The following PRSS36 variants were observed in gnomAD, a reference collection of about 807,000 sequenced individuals.
PRSS36 encodes the protein polyserase-2.
Under a neutral mutation model 94.3 loss-of-function variants are expected in PRSS36, and 90 were observed. That is an observed-to-expected ratio of 0.95 (90% confidence interval 0.80 to 1.14). The LOEUF (loss-of-function observed/expected upper bound fraction) is 1.14, where lower values mean the gene tolerates loss of function less well. PRSS36 is among the 50% of genes most tolerant of loss of function. The pLI is 0.00. For synonymous variants in PRSS36, 500 were observed against 489.6 expected, an observed-to-expected ratio of 1.02 and a Z score of -0.28; for missense variants, 1,158 against 1,135.0, an observed-to-expected ratio of 1.02 and a Z score of -0.29.
In PRSS36 at chr16:31,148,807, G is replaced by T. The variant is rs142045292; in HGVS notation, c.273-132C>A. 1.0e-3 allele frequency: 1,338 copies of T among 1,275,388 alleles called. 15 individuals carry two copies. In the African/African-American group the frequency reaches 0.018, roughly 17 times the overall value. 79.0% of individuals were successfully genotyped at this position (1,275,388 alleles called of 1,614,324 possible). On this transcript the variant is annotated intron_variant, in intron 4 of 14. Transcript: ENST00000268281. ...GATTTGGTGCTGATACTCCTCAAAG[G>T]GGAAGAGCAAATCCGATTTGGAGCT...
In PRSS36 at chr16:31,149,126, C is replaced by T; in HGVS notation, c.219G>A (p.Gly73=). 6.3e-7 allele frequency: 1 copy of T among 1,585,094 alleles called. No individual in the cohort carries two copies. Among genetic ancestry groups the T allele is most frequent in the South Asian group, 1.2e-5 (1 of 86,744 alleles). The change falls in exon 4 of 15, where the codon GGG becomes GGA. Residue 73 remains glycine (G), a synonymous_variant. Coordinates refer to ENST00000268281, the MANE Select transcript of PRSS36 (RefSeq NM_173502.5). ...CCCAGGAGGGGGCGATGAGGGAGCC[C>T]CCGCAGATGTGGCCACCTCCATGGT... ...SLHHGGGHIC[G]GSLIAPSWVL... is the part of the protein sequence containing the mutation.
chr16:31,139,035 GGGT>G lies in PRSS36; in HGVS notation c.*100_*102del. ...TAGCCAGAGCCGCTGCAATCTCGGT[GGGT>G]GGGGCCCTTGAGGTTCCAGCCGGCT... is the stretch of plus-strand genomic sequence containing the variant. On this transcript the variant is annotated 3_prime_UTR_variant, in exon 15 of 15. Transcript: ENST00000268281. 5 of 1,347,238 alleles carry G rather than the reference GGGT, an allele frequency of 3.7e-6. No homozygotes were observed. The highest frequency in any genetic ancestry group is 1.5e-5 in the South Asian group (1 of 68,760). The allele number at this position is 1,347,238 out of a possible 1,614,324, so 83.5% of individuals were successfully genotyped here.
At position 31,142,831 on chromosome 16, in the gene PRSS36, G is replaced by A; in HGVS notation, c.1263C>T (p.Asn421=). The A allele has an allele frequency of 6.5e-7, 1 of 1,550,158 alleles. No individual in the cohort carries two copies. ...LALLQLRTPV[N]LSAASRPVCL... is the part of the protein sequence containing the mutation. ...ACACGGGCCGCGAAGCCGCGCTCAG[G>A]TTCACGGGCGTGCGCAGCTGCAGCA... The change falls in exon 9 of 15, where the codon AAC becomes AAT. Residue 421 remains asparagine (N), a synonymous_variant. Transcript: ENST00000268281.
At chr16:31,148,018 T>A (rs909335605) in intron 5 of PRSS36, among the ~76,000 whole-genome samples, 12 of 152,144 alleles carry the variant, frequency 7.9e-5, no homozygotes, top group Non-Finnish European at 1.6e-4. Flanking sequence ...CAACCACCCC[T>A]TGAAGTGGGT....
intron 10 of PRSS36, among the ~76,000 whole-genome samples, chr16:31,142,248 G>T (rs549753126): frequency 2.0e-5 from 3 of 149,014 alleles, no homozygotes; most frequent in African/African-American, 7.5e-5. Flanking sequence ...TTCTGGCCCC[G>T]CTTCCACCCC....
At chr16:31,141,339 C>T (rs2057683980) in intron 12 of PRSS36, 130 bp downstream of exon 12, 1 of 1,244,796 alleles carries the variant, frequency 8.0e-7, no homozygotes, top group African/African-American at 1.5e-5. Context: ...TGAGGCTGGC[C>T]TGGGCAACAC....
At chr16:31,142,434 G>C in intron 10 of PRSS36, 47 bp downstream of exon 10, 1 of 1,412,106 alleles carries the variant, frequency 7.1e-7, no homozygotes, top group Non-Finnish European at 9.2e-7. Context: ...CCTCTTCCTA[G>C]AGCCCTCTCG....
intron 14 of PRSS36, among the ~76,000 whole-genome samples, chr16:31,139,670 AGGAGTTTGAGTCCAGCTT>A (rs1384108766): frequency 2.0e-5 from 3 of 151,896 alleles, no homozygotes; most frequent in Non-Finnish European, 4.4e-5. Context: ...ATTTGAGGTG[AGGAGTTTGAGTCCAGCTT>A]GGCCAACATG....
chr16:31,148,592 G>T lies in PRSS36; in HGVS notation c.356C>A (p.Thr119Asn). 6.2e-7 allele frequency: 1 copy of T among 1,611,000 alleles called. No individual in the cohort carries two copies. The highest frequency in any genetic ancestry group is 8.5e-7 in the Non-Finnish European group (1 of 1,179,080). ...CACCACGATGGCGGCCACTGCGCGG[G>T]TGTGCGCGCCGTCCAGGGGCCCGTC... is the stretch of plus-strand genomic sequence containing the variant. ...SQDGPLDGAH[T>N]RAVAAIVVPA... The change falls in exon 5 of 15, where the codon ACC becomes AAC. Residue 119 changes from threonine to asparagine, a missense_variant. Transcript: ENST00000268281.
rs559599707 is a variant in PRSS36 at position 31,140,481 on chromosome 16, AGG to A, written c.2167+9_2167+10del. 25 of 1,592,226 alleles carry A rather than the reference AGG, an allele frequency of 1.6e-5. No homozygotes were observed. In the East Asian group the frequency reaches 5.6e-4, roughly 36 times the overall value. On this transcript the variant is annotated intron_variant, in intron 13 of 14. Coordinates refer to ENST00000268281, the MANE Select transcript of PRSS36 (RefSeq NM_173502.5). ...CAGCTACTCCTCGTTCCCGTGACCC[AGG>A]GGTCTCACCTCGGTCCTGGGGTTCT...
chr16:31,140,478 C>T lies in PRSS36; in HGVS notation c.2167+14G>A. 1 of 1,592,986 alleles carries T rather than the reference C, an allele frequency of 6.3e-7. No homozygotes were observed. The highest frequency in any genetic ancestry group is 8.6e-7 in the Non-Finnish European group (1 of 1,168,860). On this transcript the variant is annotated intron_variant, in intron 13 of 14. Coordinates refer to ENST00000268281, the MANE Select transcript of PRSS36 (RefSeq NM_173502.5). ...CTCCAGCTACTCCTCGTTCCCGTGA[C>T]CCAGGGGTCTCACCTCGGTCCTGGG...
Position 31,149,235 on chromosome 16 carries a change from T to C in PRSS36, c.110A>G (p.Asp37Gly). 1 of 1,552,802 alleles carries C rather than the reference T, an allele frequency of 6.4e-7. No homozygotes were observed. Among genetic ancestry groups the C allele is most frequent in the Non-Finnish European group, 8.7e-7 (1 of 1,149,212 alleles). ...GGCCGAGGGCTCAGGGCGCCCGCAG[T>C]CTGCAACGGGGAGCCGTGGAAGCCA... ...SPTQEEPEDL[D>G]CGRPEPSARI... Residue 37 changes from aspartate to glycine, a missense_variant and splice_region_variant, in exon 4 of 15, where the codon GAC becomes GGC. Asp to Gly is a moderately conservative substitution (Grantham distance 94, BLOSUM62 -1). Coordinates refer to ENST00000268281, the MANE Select transcript of PRSS36 (RefSeq NM_173502.5).
rs763829301 is a variant in PRSS36, at chr16:31,141,712, G to T, written c.1759+11C>A. On this transcript the variant is annotated intron_variant, in intron 11 of 14. Coordinates refer to ENST00000268281, the MANE Select transcript of PRSS36 (RefSeq NM_173502.5). ...CCAGGAGCCCCTAGGGCCCAAAAGC[G>T]TCCTGCTCACCACCATGCTCTGTGT... The T allele has an allele frequency of 3.1e-6, 5 of 1,608,544 alleles. No individual in the cohort carries two copies. The highest frequency in any genetic ancestry group is 1.3e-5 in the African/African-American group (1 of 74,828).
rs1198277526 is a variant in PRSS36, at chr16:31,148,593, TG to T, written c.354del (p.His118GlnfsTer81). The T allele has an allele frequency of 3.7e-6, 6 of 1,610,744 alleles. No individual in the cohort carries two copies. Among genetic ancestry groups the T allele is most frequent in the Non-Finnish European group, 5.1e-6 (6 of 1,179,052 alleles). On this transcript the variant is annotated frameshift_variant, in exon 5 of 15. Coordinates refer to ENST00000268281, the MANE Select transcript of PRSS36 (RefSeq NM_173502.5). LOFTEE classifies it high-confidence loss of function. ...ACCACGATGGCGGCCACTGCGCGGG[TG>T]TGCGCGCCGTCCAGGGGCCCGTCCT... ...HSQDGPLDGAHTRAVAAIVVP... is the reference protein window; with the variant it reads ...HSQDGPLDGAXTRAVAAIVVP...
chr16:31,150,010 A>AG lies in PRSS36; in HGVS notation c.25dup (p.Leu9ProfsTer26). ...TCCCCTGAGGTTACCAAGCATCACA[A>AG]GGGGGAGGAGCAGGTGCCGGGCCAT... On this transcript the variant is annotated frameshift_variant, in exon 1 of 15. Coordinates refer to ENST00000268281, the MANE Select transcript of PRSS36 (RefSeq NM_173502.5). LOFTEE classifies it high-confidence loss of function. 1 of 1,613,980 alleles carries AG rather than the reference A, an allele frequency of 6.2e-7. No homozygotes were observed. Among genetic ancestry groups the AG allele is most frequent in the Non-Finnish European group, 8.5e-7 (1 of 1,179,970 alleles).
At chr16:31,149,542 A>G in intron 2 of PRSS36, 44 bp from the exon 3 acceptor site, 2 of 1,611,864 alleles carry the variant, frequency 1.2e-6, no homozygotes, top group South Asian at 2.2e-5. Flanking sequence ...TGTGACTTCC[A>G]GGCCTGCACC....
intron 5 of PRSS36, among the ~76,000 whole-genome samples, chr16:31,146,190 T>C (rs1019980683): frequency 6.6e-6 from 1 of 152,208 alleles, no homozygotes; most frequent in Non-Finnish European, 1.5e-5. Context: ...GTTGTGCAGG[T>C]TGTGCACTGC....
At chr16:31,149,584 G>C (rs2057864521) in intron 2 of PRSS36, 86 bp from the exon 3 acceptor site, 1 of 1,603,068 alleles carries the variant, frequency 6.2e-7, no homozygotes. Context: ...TCCAACCCCC[G>C]ACCCTATCTT....
intron 6 of PRSS36, among the ~76,000 whole-genome samples, chr16:31,144,770 A>G (rs2057771762): frequency 6.6e-6 from 1 of 151,992 alleles, no homozygotes; most frequent in Non-Finnish European, 1.5e-5. Flanking sequence ...AGCCTGGGCA[A>G]CAAGAGCAAA....
Sources: allele counts gnomAD v4.1 joint callset (sites outside exome capture counted in the v4.1 genomes callset), GRCh38; gene constraint gnomAD v4.1.1; transcripts MANE v1.5; gene names NCBI Gene and HGNC (gene_info 2026-07-23, HGNC 2026-07-21).